Variants in MINPP1 observed in about 807,000 individuals in gnomAD.
The protein encoded by MINPP1 is multiple inositol polyphosphate phosphatase 1.
Under a neutral mutation model 46.1 loss-of-function variants are expected in MINPP1, and 28 were observed. The ratio of observed to expected loss-of-function variants is 0.61; its 90% CI spans 0.45 to 0.83. The LOEUF (loss-of-function observed/expected upper bound fraction) is 0.83, where lower values mean the gene tolerates loss of function less well. Among genes scored for constraint, MINPP1 ranks in the 40% least tolerant of loss-of-function variants. The pLI is 0.00. For missense variants in MINPP1, 603 were observed against 610.0 expected, an observed-to-expected ratio of 0.99 and a Z score of 0.12; for synonymous variants, 268 against 249.1, an observed-to-expected ratio of 1.08 and a Z score of -0.72.
chr10:87,508,732 T>A (rs1308651727), intron 2 of MINPP1, among the ~76,000 whole-genome samples, 199 bp downstream of exon 2: 1 of 152,236 alleles, frequency 6.6e-6, no homozygotes, highest in Non-Finnish European at 1.5e-5. Context: ...TCTTTGAGTG[T>A]TATTTAAATT....
intron 2 of MINPP1, among the ~76,000 whole-genome samples, chr10:87,511,894 G>C (rs537994147): frequency 1.3e-5 from 2 of 152,074 alleles, no homozygotes; most frequent in Admixed American, 1.3e-4. Context: ...TTTTCTTTAC[G>C]TAAGCAAAGT....
chr10:87,531,945 C>T (rs1851666125), intron 4 of MINPP1, among the ~76,000 whole-genome samples: 1 of 152,084 alleles, frequency 6.6e-6, no homozygotes, highest in Admixed American at 6.6e-5. Context: ...TATACCTCAC[C>T]TGACTCATGG....
chr10:87,544,817 C>A (rs1280167619), intron 4 of MINPP1, among the ~76,000 whole-genome samples: 1 of 151,992 alleles, frequency 6.6e-6, no homozygotes, highest in Non-Finnish European at 1.5e-5. Context: ...GCCCTTGAAC[C>A]ATTAAAGGTT....
intron 1 of MINPP1, among the ~76,000 whole-genome samples, chr10:87,506,697 A>G (rs1024312971): frequency 2.0e-5 from 3 of 152,222 alleles, no homozygotes; most frequent in African/African-American, 7.2e-5. Flanking sequence ...GCAAGCATTA[A>G]TAGTTTCTTG....
At chr10:87,527,480 AG>A (rs1193621333) in intron 4 of MINPP1, among the ~76,000 whole-genome samples, 1 of 152,298 alleles carries the variant, frequency 6.6e-6, no homozygotes, top group East Asian at 1.9e-4. Context: ...TTTAGCATGA[AG>A]GGCTGTTGAA....
chr10:87,525,392 GTTCT>G (rs1190267977), intron 4 of MINPP1, among the ~76,000 whole-genome samples: 2 of 152,168 alleles, frequency 1.3e-5, no homozygotes, highest in Non-Finnish European at 2.9e-5. Flanking sequence ...ATAATATGTG[GTTCT>G]TTGTGACAGG....
chr10:87,531,545 A>G (rs1032510511), intron 4 of MINPP1, among the ~76,000 whole-genome samples: 5 of 152,058 alleles, frequency 3.3e-5, no homozygotes, highest in Non-Finnish European at 5.9e-5. Context: ...AGTTGCTTGG[A>G]TTTGGTTTGA....
intron 4 of MINPP1, among the ~76,000 whole-genome samples, chr10:87,536,618 G>A (rs147226135): frequency 2.0e-5 from 3 of 152,124 alleles, no homozygotes; most frequent in Admixed American, 6.5e-5. Context: ...TATACATTAA[G>A]TTGTATTTTC....
intron 4 of MINPP1, among the ~76,000 whole-genome samples, chr10:87,540,495 TCA>T (rs3062345): frequency 0.43 from 64,177 of 148,820 alleles, 13,873 homozygotes; most frequent in Non-Finnish European, 0.47. Context: ...TCTCTCTCTG[TCA>T]CACACACACA....
intron 4 of MINPP1, among the ~76,000 whole-genome samples, chr10:87,541,797 A>G (rs1287231183): frequency 1.3e-5 from 2 of 152,140 alleles, no homozygotes; most frequent in East Asian, 1.9e-4. Context: ...TACACAACCA[A>G]ATCTCATATG....
intron 4 of MINPP1, among the ~76,000 whole-genome samples, chr10:87,544,932 T>C (rs1376553210): frequency 1.3e-5 from 2 of 152,214 alleles, no homozygotes; most frequent in African/African-American, 4.8e-5. Flanking sequence ...GGAAATACTT[T>C]TGAGATAAAG....
At position 87,535,362 on chromosome 10, in the gene MINPP1, T is replaced by C. The variant is rs182779579; in HGVS notation, c.1067+14193T>C. The stretch of plus-strand genomic sequence containing the variant: ...ACAAATACATGTAAAGACACATTTA[T>C]CTTTTACTACTATGCTTTACACAAT... On this transcript the variant is annotated intron_variant, in intron 4 of 4. Coordinates refer to ENST00000371996, the MANE Select transcript of MINPP1 (RefSeq NM_004897.5). Among the ~76,000 whole-genome samples, 30 of 152,378 alleles carry C rather than the reference T, an allele frequency of 2.0e-4. No homozygotes were observed. In the East Asian group the frequency reaches 5.8e-3, roughly 29 times the overall value.
At chr10:87,518,901 G>T (rs1488441402) in intron 3 of MINPP1, among the ~76,000 whole-genome samples, 1 of 152,190 alleles carries the variant, frequency 6.6e-6, no homozygotes, top group Non-Finnish European at 1.5e-5. Context: ...AGCTCCACAT[G>T]TTCAGCTATC....
At chr10:87,538,628 T>G (rs1851771530) in intron 4 of MINPP1, among the ~76,000 whole-genome samples, 1 of 152,228 alleles carries the variant, frequency 6.6e-6, no homozygotes, top group East Asian at 1.9e-4. Context: ...CTTCTCCAAA[T>G]ACTCACTGGA....
At position 87,521,195 on chromosome 10, in the gene MINPP1, G is replaced by A. The variant is rs1043911790; in HGVS notation, c.1067+26G>A. 5 of 1,593,750 alleles carry A rather than the reference G, an allele frequency of 3.1e-6. No individual in the cohort carries two copies. In the South Asian group the frequency reaches 4.5e-5, roughly 14 times the overall value. On this transcript the variant is annotated intron_variant, in intron 4 of 4. Transcript: ENST00000371996. The stretch of plus-strand genomic sequence containing the variant: ...GTAAGAACTTTCTAAAAAATGTGAA[G>A]TACATTTTGAGTTACTACTAAACTT...
At chr10:87,534,474 C>T (rs1269808372) in intron 4 of MINPP1, among the ~76,000 whole-genome samples, 1 of 152,190 alleles carries the variant, frequency 6.6e-6, no homozygotes, top group African/African-American at 2.4e-5. Context: ...TTGACTATCA[C>T]TAGATTGTAG....
intron 4 of MINPP1, among the ~76,000 whole-genome samples, chr10:87,537,511 T>TTGTGTGTGTGTG (rs1554853571): frequency 9.4e-5 from 8 of 85,188 alleles, no homozygotes; most frequent in African/African-American, 2.5e-4. Flanking sequence ...TTATTACTGT[T>TTGTGTGTGTGTG]TGTGTGTGTG....
At chr10:87,526,437 G>A (rs181014014) in intron 4 of MINPP1, among the ~76,000 whole-genome samples, 1 of 152,214 alleles carries the variant, frequency 6.6e-6, no homozygotes, top group East Asian at 1.9e-4. Flanking sequence ...TGTAGATTCT[G>A]GATATTAGCC....
At position 87,551,963 on chromosome 10, in the gene MINPP1, A is replaced by T. The variant is rs571765375; in HGVS notation, c.1068-119A>T. On this transcript the variant is annotated intron_variant, in intron 4 of 4. Transcript: ENST00000371996. ...GCTTGTGTAATGTATATAAAGATTT[A>T]AAAAAATAGATGGGATTATTTAAAC... 42 of 822,678 alleles carry T rather than the reference A, an allele frequency of 5.1e-5. No homozygotes were observed. The South Asian group carries it at 7.2e-4, about 14-fold the overall frequency. 51.0% of individuals were successfully genotyped at this position (822,678 alleles called of 1,614,324 possible).
Sources: allele counts gnomAD v4.1 joint callset (sites outside exome capture counted in the v4.1 genomes callset), GRCh38; gene constraint gnomAD v4.1.1; transcripts MANE v1.5; gene names NCBI Gene and HGNC (gene_info 2026-07-23, HGNC 2026-07-21).